The following CGRRF1 variants were observed in gnomAD, a reference collection of about 807,000 sequenced individuals.
CGRRF1 encodes the protein cell growth regulator with ring finger domain 1.
Under a neutral mutation model 37.2 loss-of-function variants are expected in CGRRF1, and 32 were observed. The observed-to-expected ratio is 0.86, with a 90% CI of 0.65 to 1.16. The LOEUF (loss-of-function observed/expected upper bound fraction) is 1.16, where lower values mean the gene tolerates loss of function less well. Among genes scored for constraint, CGRRF1 ranks in the 50% most tolerant of loss-of-function variants. CGRRF1 has a pLI of 0.00. For missense variants in CGRRF1, 391 were observed against 382.6 expected (o/e 1.02, Z -0.18); for synonymous variants, 141 against 140.3 (o/e 1.00, Z -0.04).
intron 1 of CGRRF1, chr14:54,510,377 G>A (rs2032110092): frequency 5.2e-6 from 2 of 383,006 alleles, no homozygotes; most frequent in East Asian, 1.2e-4. Flanking sequence ...GCTTGGTGTT[G>A]GGAGAAAGTG....
intron 4 of CGRRF1, among the ~76,000 whole-genome samples, chr14:54,534,095 CT>C (rs1439882746): frequency 6.6e-6 from 1 of 152,024 alleles, no homozygotes; most frequent in Non-Finnish European, 1.5e-5. Context: ...GCTTCAGAGA[CT>C]TTTAATATTA....
intron 4 of CGRRF1, chr14:54,537,102 C>T (rs1250018288): frequency 6.6e-6 from 1 of 152,142 alleles, no homozygotes; most frequent in African/African-American, 2.4e-5. Context: ...TTTGACATCA[C>T]ACCTTTATTA....
At chr14:54,517,774 C>T (rs1292998822) in intron 1 of CGRRF1, among the ~76,000 whole-genome samples, 1 of 152,152 alleles carries the variant, frequency 6.6e-6, no homozygotes, top group Non-Finnish European at 1.5e-5. Context: ...CTCTCCCTCC[C>T]CCAGCTCCCA....
At chr14:54,533,851 A>G (rs140721224) in intron 4 of CGRRF1, among the ~76,000 whole-genome samples, 1,878 of 152,222 alleles carry the variant, frequency 0.012, 15 homozygotes, top group Middle Eastern at 0.071. Flanking sequence ...AAAATTAGAA[A>G]GTGTAGATAA....
At chr14:54,535,043 T>C (rs946247794) in intron 4 of CGRRF1, among the ~76,000 whole-genome samples, 3 of 152,184 alleles carry the variant, frequency 2.0e-5, no homozygotes, top group African/African-American at 4.8e-5. Context: ...TACATACACA[T>C]ATATATGATC....
intron 2 of CGRRF1, among the ~76,000 whole-genome samples, chr14:54,526,550 T>G (rs1039317628): frequency 2.2e-4 from 33 of 152,272 alleles, no homozygotes; most frequent in Admixed American, 1.0e-3. Context: ...CTGGGATTTT[T>G]TTGTTGTTGT....
chr14:54,516,038 C>A (rs908579654), intron 1 of CGRRF1, among the ~76,000 whole-genome samples: 21 of 151,178 alleles, frequency 1.4e-4, no homozygotes, highest in Non-Finnish European at 1.8e-4. Flanking sequence ...TTTCTTTTTC[C>A]CCTTTGTTCA....
intron 1 of CGRRF1, among the ~76,000 whole-genome samples, chr14:54,515,439 G>A (rs569569217): frequency 2.6e-5 from 4 of 152,156 alleles, no homozygotes; most frequent in Non-Finnish European, 5.9e-5. Context: ...GGTTGATAGT[G>A]TTATTCAAGT....
Position 54,528,104 on chromosome 14 carries a change from A to C in CGRRF1, c.245-1945A>C, listed in dbSNP as rs530806228. Among the ~76,000 whole-genome samples, 11 of 152,106 alleles carry C rather than the reference A, an allele frequency of 7.2e-5. No individual in the cohort carries two copies. In the South Asian group the frequency reaches 2.3e-3, roughly 32 times the overall value. On this transcript the variant is annotated intron_variant, in intron 2 of 5. Transcript: ENST00000216420. ...CCATTCTTGTGAGATAAACAGTAGC[A>C]TATATATTTAATTTTCTCTACCTTG... is the stretch of plus-strand genomic sequence containing the variant.
intron 3 of CGRRF1, 197 bp downstream of exon 3, chr14:54,530,423 A>G: frequency 1.4e-6 from 1 of 718,260 alleles, no homozygotes; most frequent in Non-Finnish European, 2.3e-6. Flanking sequence ...TTCATCTGAT[A>G]TACCCATTAG....
intron 4 of CGRRF1, among the ~76,000 whole-genome samples, chr14:54,532,187 T>C (rs934288345): frequency 1.3e-5 from 2 of 152,170 alleles, no homozygotes; most frequent in African/African-American, 4.8e-5. Context: ...CTGCAACAAG[T>C]GTACATTGAG....
At chr14:54,520,429 G>A (rs1433252002) in intron 1 of CGRRF1, among the ~76,000 whole-genome samples, 2 of 152,012 alleles carry the variant, frequency 1.3e-5, no homozygotes, top group Admixed American at 6.6e-5. Context: ...CACCGCACCC[G>A]GCCAAGATGT....
chr14:54,534,037 C>T (rs1420939615), intron 4 of CGRRF1, among the ~76,000 whole-genome samples: 1 of 151,920 alleles, frequency 6.6e-6, no homozygotes, highest in Non-Finnish European at 1.5e-5. Flanking sequence ...ACATTTTTTC[C>T]ATATCAAATA....
rs115333865 is a variant in CGRRF1 at position 54,537,731 on chromosome 14, G to A, written c.580G>A (p.Val194Met). 31,397 of 1,565,042 alleles carry A rather than the reference G, an allele frequency of 0.02. 380 individuals are homozygous for A. Among genetic ancestry groups the A allele is most frequent in the African/African-American group, 0.038 (2,725 of 72,190 alleles). Reference protein sequence around the residue: ...DREIYDIISMVSVIHIPDRTY... With the variant: ...DREIYDIISMMSVIHIPDRTY... ...TCAATTTTTATTTTAGATTTCCATG[G>A]TGTCAGTGATTCATATTCCTGATAG... Residue 194 changes from valine to methionine, a missense_variant, in exon 5 of 6, where the codon GTG becomes ATG. By Grantham distance (21) the Val-to-Met change is conservative (BLOSUM62 1). Coordinates refer to ENST00000216420, the MANE Select transcript of CGRRF1 (RefSeq NM_006568.3).
chr14:54,515,980 T>A (rs2140054858), intron 1 of CGRRF1, among the ~76,000 whole-genome samples: 1 of 152,298 alleles, frequency 6.6e-6, no homozygotes, highest in Admixed American at 6.5e-5. Flanking sequence ...TTGTTTTGTC[T>A]GTTCTTTGTT....
intron 2 of CGRRF1, among the ~76,000 whole-genome samples, chr14:54,527,485 T>A (rs1281911493): frequency 6.6e-6 from 1 of 152,048 alleles, no homozygotes; most frequent in East Asian, 1.9e-4. Flanking sequence ...AAAAAAGAGA[T>A]TATGGAGAGT....
At position 54,530,531 on chromosome 14, in the gene CGRRF1, C is replaced by T. The variant is rs140647849; in HGVS notation, c.422+305C>T. On this transcript the variant is annotated intron_variant, in intron 3 of 5. Coordinates refer to ENST00000216420, the MANE Select transcript of CGRRF1 (RefSeq NM_006568.3). Reference sequence around the variant, plus strand: ...TTTATTGCTTCAGAATAAGCACTCCCCAAGCATTAGAAGATGCTCTGTGGA... The same window carrying T: ...TTTATTGCTTCAGAATAAGCACTCCTCAAGCATTAGAAGATGCTCTGTGGA... 1.2e-4 allele frequency: 155 copies of T among 1,305,730 alleles called. 2 individuals carry two copies. In the Admixed American group the frequency reaches 1.2e-3, roughly 10 times the overall value. The allele number at this position is 1,305,730 out of a possible 1,614,324, so 80.9% of individuals were successfully genotyped here.
chr14:54,518,234 C>T (rs1025001563), intron 1 of CGRRF1, among the ~76,000 whole-genome samples: 1 of 152,090 alleles, frequency 6.6e-6, no homozygotes, highest in Non-Finnish European at 1.5e-5. Flanking sequence ...AATTTATATT[C>T]CCACCAACAG....
intron 1 of CGRRF1, among the ~76,000 whole-genome samples, chr14:54,513,626 GT>G (rs373062558): frequency 0.019 from 2,787 of 147,876 alleles, 62 homozygotes; most frequent in East Asian, 0.077. Flanking sequence ...GTAATGTTAT[GT>G]TATGTTATGT....
Sources: allele counts gnomAD v4.1 joint callset (sites outside exome capture counted in the v4.1 genomes callset), GRCh38; gene constraint gnomAD v4.1.1; transcripts MANE v1.5; gene names NCBI Gene and HGNC (gene_info 2026-07-23, HGNC 2026-07-21).